ERO1A: variants seen among roughly 807,000 people sequenced by gnomAD.
ERO1A encodes ERO1-like protein alpha.
Under a neutral mutation model 76.9 loss-of-function variants are expected in ERO1A, and 49 were observed. That is an observed-to-expected ratio of 0.64 (90% CI 0.51 to 0.81). ERO1A has a LOEUF of 0.81. Ranked by LOEUF, ERO1A falls within the 30% of genes least tolerant of loss-of-function variation. The pLI, the probability that ERO1A is intolerant of heterozygous loss-of-function variation, is 0.00. For synonymous variants in ERO1A, 174 were observed against 181.2 expected (o/e 0.96, Z 0.32); for missense variants, 448 against 542.1 (o/e 0.83, Z 1.72).
At chr14:52,682,531 C>T in intron 2 of ERO1A, 123 bp from the exon 3 acceptor site, 4 of 664,540 alleles carry the variant, frequency 6.0e-6, no homozygotes, top group Non-Finnish European at 1.0e-5. Context: ...ATTTCTTCCA[C>T]CTATCTGTTG....
intron 4 of ERO1A, among the ~76,000 whole-genome samples, chr14:52,676,883 A>AG (rs1465573647): frequency 3.3e-5 from 5 of 151,798 alleles, no homozygotes; most frequent in African/African-American, 1.2e-4. Flanking sequence ...CCCAAAAAAA[A>AG]AAAAAAAAGT....
rs1201111098 is a variant in ERO1A at position 52,643,593 on chromosome 14, T to A, written c.1384A>T (p.Asn462Tyr). The change falls in exon 16 of 16, where the codon AAC becomes TAC. Residue 462 changes from asparagine (N) to tyrosine (Y), a missense_variant. By Grantham distance (143) the Asn-to-Tyr change is moderately radical (BLOSUM62 -2). Around this residue, in one of 2 missense-constraint regions of ERO1A, gnomAD observed 302 missense variants for 411.9 expected, o/e 0.73. Coordinates refer to ENST00000395686, the MANE Select transcript of ERO1A (RefSeq NM_014584.3). Reference sequence around the variant, plus strand: ...CTTTAATGAATATTCTGTAACAAGTTCCTGAAGTTTTCTAATTCTTTCACA... The same window carrying A: ...CTTTAATGAATATTCTGTAACAAGTACCTGAAGTTTTCTAATTCTTTCACA... ...TSVKELENFR[N>Y]LLQNIH 1 of 1,481,480 alleles carries A rather than the reference T, an allele frequency of 6.8e-7. No homozygotes were observed. The highest frequency in any genetic ancestry group is 8.9e-7 in the Non-Finnish European group (1 of 1,122,194). 91.8% of individuals were successfully genotyped at this position (1,481,480 alleles called of 1,614,324 possible).
Position 52,642,231 on chromosome 14 carries a change from G to C in ERO1A, c.*1339C>G, listed in dbSNP as rs2039498844. On this transcript the variant is annotated 3_prime_UTR_variant, in exon 16 of 16. Coordinates refer to ENST00000395686, the MANE Select transcript of ERO1A (RefSeq NM_014584.3). ...AGGGAGACAAAGGAAATGAACTTCG[G>C]GTATAAAAAACAAAAATGAAACTGG... 1 of 151,912 alleles carries C rather than the reference G, an allele frequency of 6.6e-6. No homozygotes were observed. Among genetic ancestry groups the C allele is most frequent in the South Asian group, 2.1e-4 (1 of 4,808 alleles). 9.4% of individuals were successfully genotyped at this position (151,912 alleles called of 1,614,324 possible).
rs2039473662 is a variant in ERO1A at position 52,641,506 on chromosome 14, CA to C, written c.*2063del. ...GCGGGCGCCTGTAGTCCCAGCTACT[CA>C]GGGGGCTGAGGCAGAAGAATGGCGT... On this transcript the variant is annotated 3_prime_UTR_variant, in exon 16 of 16. Transcript: ENST00000395686. The C allele has an allele frequency of 6.6e-6, 1 of 151,656 alleles. No homozygotes were observed. The allele number at this position is 151,656 out of a possible 1,614,324, so 9.4% of individuals were successfully genotyped here. A position where few individuals can be genotyped will look rare whatever the true frequency, so the allele number is the denominator to read the frequency against.
At chr14:52,645,065 A>G (rs2039599535) in intron 15 of ERO1A, among the ~76,000 whole-genome samples, 1 of 152,168 alleles carries the variant, frequency 6.6e-6, no homozygotes, top group Non-Finnish European at 1.5e-5. Context: ...TTCTTTAATC[A>G]TTTTGATAGG....
intron 9 of ERO1A, among the ~76,000 whole-genome samples, chr14:52,659,833 TAA>T (rs11463869): frequency 4.4e-5 from 6 of 137,576 alleles, no homozygotes; most frequent in Non-Finnish European, 6.3e-5. Context: ...GTGTCCTTTT[TAA>T]AAAAAAAAAA....
At chr14:52,648,336 A>G (rs1407640859) in intron 13 of ERO1A, among the ~76,000 whole-genome samples, 1 of 152,154 alleles carries the variant, frequency 6.6e-6, no homozygotes, top group Admixed American at 6.5e-5. Flanking sequence ...AAACTTAAAG[A>G]AAAATCACAC....
intron 4 of ERO1A, among the ~76,000 whole-genome samples, chr14:52,673,728 C>T (rs985995728): frequency 1.1e-4 from 13 of 118,262 alleles, no homozygotes; most frequent in African/African-American, 3.3e-4. Context: ...AAATCACATA[C>T]TAATTTTAAC....
intron 1 of ERO1A, among the ~76,000 whole-genome samples, chr14:52,686,153 A>C (rs1287410343): frequency 1.3e-5 from 2 of 152,172 alleles, no homozygotes; most frequent in Non-Finnish European, 2.9e-5. Context: ...CAGAGGTTGC[A>C]GGGAACCAAG....
chr14:52,682,271 T>A (rs1257736520), intron 3 of ERO1A, 54 bp downstream of exon 3: 6 of 1,351,796 alleles, frequency 4.4e-6, no homozygotes, highest in Non-Finnish European at 6.2e-6. Context: ...AAACAAAAAG[T>A]TATAATGAAT....
At chr14:52,671,590 A>G (rs566057232) in intron 6 of ERO1A, 40 bp downstream of exon 6, 1 of 1,433,916 alleles carries the variant, frequency 7.0e-7, no homozygotes, top group African/African-American at 1.4e-5. Context: ...TTTCTTAGGT[A>G]TAATTTTAAA....
At chr14:52,688,514 G>A (rs2041251472) in intron 1 of ERO1A, among the ~76,000 whole-genome samples, 1 of 152,174 alleles carries the variant, frequency 6.6e-6, no homozygotes. Context: ...TAAATTGTCA[G>A]TACATGTTAA....
chr14:52,662,094 T>C (rs1029211143), intron 8 of ERO1A, among the ~76,000 whole-genome samples: 4 of 152,142 alleles, frequency 2.6e-5, no homozygotes, highest in South Asian at 2.1e-4. Context: ...TTTAAATGAA[T>C]AAAAATTTAC....
At chr14:52,680,436 T>G (rs2040955691) in intron 3 of ERO1A, among the ~76,000 whole-genome samples, 1 of 152,170 alleles carries the variant, frequency 6.6e-6, no homozygotes, top group South Asian at 2.1e-4. Context: ...GTCCCCTAGT[T>G]CTACACTTCA....
intron 1 of ERO1A, among the ~76,000 whole-genome samples, chr14:52,694,666 G>T (rs117022252): frequency 0.011 from 1,716 of 151,896 alleles, 10 homozygotes; most frequent in Middle Eastern, 0.024. Flanking sequence ...TTTTGCTCAA[G>T]AAACCACATC....
intron 11 of ERO1A, 60 bp downstream of exon 11, chr14:52,657,857 A>C (rs2040101614): frequency 8.0e-7 from 1 of 1,244,776 alleles, no homozygotes; most frequent in Admixed American, 2.2e-5. Flanking sequence ...AATGCCAGGA[A>C]AATTTTAAGA....
intron 13 of ERO1A, 83 bp downstream of exon 13, chr14:52,652,156 C>G: frequency 1.2e-6 from 1 of 860,282 alleles, no homozygotes; most frequent in South Asian, 1.6e-5. Flanking sequence ...ATGGCCTACT[C>G]TCTACTTCTA....
At chr14:52,682,504 T>TAG in intron 2 of ERO1A, 96 bp from the exon 3 acceptor site, 1 of 875,420 alleles carries the variant, frequency 1.1e-6, no homozygotes, top group Non-Finnish European at 1.8e-6. Flanking sequence ...GGTCATGTTA[T>TAG]CAGGTGCAAA....
rs560808503 is a variant in ERO1A, at chr14:52,640,484, C to T, written c.*3086G>A. On this transcript the variant is annotated 3_prime_UTR_variant, in exon 16 of 16. Coordinates refer to ENST00000395686, the MANE Select transcript of ERO1A (RefSeq NM_014584.3). Reference sequence around the variant, plus strand: ...CGGTGGAGGAAACACATCAGAAGACCTTGTACACCAAACAGAGGAGTTTGG... The same window carrying T: ...CGGTGGAGGAAACACATCAGAAGACTTTGTACACCAAACAGAGGAGTTTGG... 15 of 152,318 alleles carry T rather than the reference C, an allele frequency of 9.8e-5. No homozygotes were observed. The highest frequency in any genetic ancestry group is 3.4e-4 in the African/African-American group (14 of 41,584). 9.4% of individuals were successfully genotyped at this position (152,318 alleles called of 1,614,324 possible). A position where few individuals can be genotyped will look rare whatever the true frequency, so the allele number is the denominator to read the frequency against.
Sources: gnomAD v4.1 joint callset for allele counts (sites outside exome capture counted in the v4.1 genomes callset) on GRCh38, gnomAD v4.1.1 for gene constraint, gnomAD v4.1.1 regional missense constraint, MANE v1.5 for transcripts, NCBI Gene and HGNC (gene_info 2026-07-23, HGNC 2026-07-21) for gene names.